Variants in DCLK2 observed in about 807,000 individuals in gnomAD.
DCLK2 encodes doublecortin like kinase 2.
In DCLK2, 31 loss-of-function variants were observed where a neutral mutation model predicts 78.4. The ratio of observed to expected loss-of-function variants is 0.40; its 90% CI spans 0.30 to 0.53. The LOEUF is 0.53. Ranked by LOEUF, DCLK2 falls within the 20% of genes least tolerant of loss-of-function variation. The pLI, the probability that DCLK2 is intolerant of heterozygous loss-of-function variation, is 0.61. For missense variants in DCLK2, 872 were observed against 973.7 expected (o/e 0.90, Z 1.39); for synonymous variants, 407 against 374.9 (o/e 1.09, Z -0.99).
chr4:150,149,154 A>G (rs1167095438), intron 2 of DCLK2, among the ~76,000 whole-genome samples: 5 of 152,088 alleles, frequency 3.3e-5, no homozygotes, highest in Non-Finnish European at 7.4e-5. Flanking sequence ...ATCTGAGGAC[A>G]GAATCCATTT....
intron 12 of DCLK2, among the ~76,000 whole-genome samples, chr4:150,246,201 T>A (rs1339579549): frequency 6.6e-6 from 1 of 152,108 alleles, no homozygotes; most frequent in African/African-American, 2.4e-5. Flanking sequence ...CGCACCACCA[T>A]GCCTGGCTGA....
chr4:150,206,580 GATTTTAA>G (rs1739858067), intron 5 of DCLK2, among the ~76,000 whole-genome samples: 2 of 152,066 alleles, frequency 1.3e-5, no homozygotes, highest in Non-Finnish European at 2.9e-5. Context: ...CAAGACTTTT[GATTTTAA>G]ATGACCTCTA....
chr4:150,209,061 A>T (rs1292736631), intron 5 of DCLK2, among the ~76,000 whole-genome samples: 10 of 152,234 alleles, frequency 6.6e-5, no homozygotes, highest in Non-Finnish European at 1.5e-4. Context: ...CCCCAAGGAC[A>T]CAGTGGGAAA....
At chr4:150,188,212 A>C (rs1464475563) in intron 2 of DCLK2, among the ~76,000 whole-genome samples, 4 of 152,100 alleles carry the variant, frequency 2.6e-5, no homozygotes, top group Non-Finnish European at 4.4e-5. Context: ...GGCGGCTAAC[A>C]TTTGTCATCC....
At chr4:150,138,280 T>C (rs1057345651) in intron 2 of DCLK2, among the ~76,000 whole-genome samples, 1 of 152,180 alleles carries the variant, frequency 6.6e-6, no homozygotes, top group African/African-American at 2.4e-5. Context: ...TTGTGCAAGG[T>C]AGGTAATCTA....
In DCLK2 at chr4:150,247,705, C is replaced by T; in HGVS notation, c.1875+6C>T. On this transcript the variant is annotated splice_donor_region_variant and intron_variant, in intron 13 of 15. Transcript: ENST00000296550. ...ACATCACGGACTCTGCCAAGGTACC[C>T]TCCAGGCCTGTTTCTGTGGGTTGTA... 3 of 1,612,332 alleles carry T rather than the reference C, an allele frequency of 1.9e-6. No individual in the cohort carries two copies. The highest frequency in any genetic ancestry group is 2.5e-6 in the Non-Finnish European group (3 of 1,178,624).
intron 1 of DCLK2, among the ~76,000 whole-genome samples, chr4:150,097,279 C>T (rs1730536428): frequency 6.7e-6 from 1 of 150,326 alleles, no homozygotes. Flanking sequence ...TCTAGTGTTT[C>T]AGCCTCCGGG....
chr4:150,230,310 C>T (rs1331083776), intron 8 of DCLK2, among the ~76,000 whole-genome samples: 1 of 152,082 alleles, frequency 6.6e-6, no homozygotes, highest in Admixed American at 6.6e-5. Flanking sequence ...GTTGTAGTCT[C>T]CTTATGTGGT....
intron 14 of DCLK2, among the ~76,000 whole-genome samples, 153 bp downstream of exon 14, chr4:150,248,538 C>T (rs1323678736): frequency 6.6e-6 from 1 of 152,202 alleles, no homozygotes; most frequent in African/African-American, 2.4e-5. Context: ...ATAAAGATGG[C>T]TCCCCAAGAA....
At chr4:150,092,211 A>G (rs544982662) in intron 1 of DCLK2, among the ~76,000 whole-genome samples, 1 of 152,156 alleles carries the variant, frequency 6.6e-6, no homozygotes, top group East Asian at 1.9e-4. Flanking sequence ...TTCATCCATC[A>G]CTGGGCATTC....
At chr4:150,236,744 G>C (rs572932871) in intron 10 of DCLK2, among the ~76,000 whole-genome samples, 1 of 152,300 alleles carries the variant, frequency 6.6e-6, no homozygotes, top group Admixed American at 6.5e-5. Flanking sequence ...TATTAGACAT[G>C]TTTGCTTCTG....
At chr4:150,194,386 G>A (rs1212077464) in intron 3 of DCLK2, among the ~76,000 whole-genome samples, 8 of 152,090 alleles carry the variant, frequency 5.3e-5, no homozygotes, top group Non-Finnish European at 7.4e-5. Context: ...TGCACTTCTC[G>A]AATGTATCCT....
At chr4:150,108,812 A>G (rs933901703) in intron 2 of DCLK2, among the ~76,000 whole-genome samples, 3 of 152,322 alleles carry the variant, frequency 2.0e-5, no homozygotes, top group East Asian at 1.9e-4. Context: ...CATAAAAGAA[A>G]CATATTTTGT....
chr4:150,112,328 A>G (rs556162950), intron 2 of DCLK2, among the ~76,000 whole-genome samples: 5 of 152,258 alleles, frequency 3.3e-5, no homozygotes, highest in African/African-American at 1.2e-4. Flanking sequence ...GACTTAATTT[A>G]TTTACCAAAT....
intron 1 of DCLK2, among the ~76,000 whole-genome samples, chr4:150,090,407 A>G (rs1487897954): frequency 6.7e-6 from 1 of 149,788 alleles, no homozygotes; most frequent in African/African-American, 2.5e-5. Context: ...TCAAAACTCC[A>G]TCTCAAAATA....
At chr4:150,149,647 G>A (rs1234297116) in intron 2 of DCLK2, among the ~76,000 whole-genome samples, 1 of 152,200 alleles carries the variant, frequency 6.6e-6, no homozygotes, top group Admixed American at 6.5e-5. Context: ...CTAACTTAAG[G>A]TCATTTGGCA....
At chr4:150,180,751 G>A (rs961256054) in intron 2 of DCLK2, among the ~76,000 whole-genome samples, 2 of 152,044 alleles carry the variant, frequency 1.3e-5, no homozygotes, top group Admixed American at 6.6e-5. Flanking sequence ...GGCAGGCCAC[G>A]GAAACTAGAA....
chr4:150,174,233 C>T (rs1736775625), intron 2 of DCLK2, among the ~76,000 whole-genome samples: 1 of 152,220 alleles, frequency 6.6e-6, no homozygotes, highest in South Asian at 2.1e-4. Context: ...ACTTCCCCTA[C>T]TGAGTAGCCA....
chr4:150,099,303 C>T (rs80153043), intron 1 of DCLK2, among the ~76,000 whole-genome samples: 2,264 of 152,296 alleles, frequency 0.015, 28 homozygotes, highest in Middle Eastern at 0.034. Flanking sequence ...AAGGGATCCT[C>T]CCTCTTCGGC....
Sources: gnomAD v4.1 joint callset for allele counts (sites outside exome capture counted in the v4.1 genomes callset) on GRCh38, gnomAD v4.1.1 for gene constraint, MANE v1.5 for transcripts, NCBI Gene and HGNC (gene_info 2026-07-23, HGNC 2026-07-21) for gene names.